PLEKHA8: variants seen among roughly 807,000 people sequenced by gnomAD.
PLEKHA8 encodes the protein pleckstrin homology domain containing A8, also known as pleckstrin homology domain-containing family A member 8.
PLEKHA8 carries 36 observed loss-of-function variants against 68.2 expected under a neutral mutation model. That is an observed-to-expected ratio of 0.53 (90% CI 0.40 to 0.70). The LOEUF is 0.70. Ranked by LOEUF, PLEKHA8 falls within the 30% of genes least tolerant of loss-of-function variation. The probability of loss-of-function intolerance (pLI) is 0.00; values close to 1 mark genes in which losing one functional copy is unlikely to be tolerated. For synonymous variants in PLEKHA8, 211 were observed against 216.1 expected (o/e 0.98, Z 0.20); for missense variants, 505 against 615.4 (o/e 0.82, Z 1.90).
rs140415119 is a variant in PLEKHA8, at chr7:30,052,812, G to T, written c.742G>T (p.Ala248Ser). 1.2e-5 allele frequency: 19 copies of T among 1,574,026 alleles called. No homozygotes were observed. Among genetic ancestry groups the T allele is most frequent in the Non-Finnish European group, 1.5e-5 (18 of 1,168,362 alleles). Reference sequence around the variant, plus strand: ...TAAGAATTCCTTATATTTGAAATCTGCAGAGATAGACTGCAGCATATCAAG... The same window carrying T: ...TAAGAATTCCTTATATTTGAAATCTTCAGAGATAGACTGCAGCATATCAAG... ...KNKNSLYLKSAEIDCSISSEE... is the reference protein window; with the variant it reads ...KNKNSLYLKSSEIDCSISSEE... The change falls in exon 7 of 14, where the codon GCA (alanine) becomes TCA (serine). Residue 248 changes from alanine (A) to serine (S), a missense_variant. Ala to Ser is a moderately conservative substitution (Grantham distance 99). Transcript: ENST00000449726.
At chr7:30,043,006 T>TTTTGTTTGTTTGTTTGTTTG (rs139576666) in intron 1 of PLEKHA8, among the ~76,000 whole-genome samples, 2,227 of 151,878 alleles carry the variant, frequency 0.015, 24 homozygotes, top group African/African-American at 0.015. Flanking sequence ...GCATCACCTT[T>TTTTGTTTGTTTGTTTGTTTG]TTTGTTTGTT....
intron 13 of PLEKHA8, among the ~76,000 whole-genome samples, chr7:30,099,905 G>A (rs1454964529): frequency 6.6e-6 from 1 of 152,186 alleles, no homozygotes; most frequent in African/African-American, 2.4e-5. Flanking sequence ...TAAAACAACA[G>A]AAATGTATCC....
At chr7:30,125,066 T>C in intron 13 of PLEKHA8, among the ~76,000 whole-genome samples, 1 of 152,198 alleles carries the variant, frequency 6.6e-6, no homozygotes, top group Middle Eastern at 3.2e-3. Flanking sequence ...TACAGAAAAT[T>C]AGGATATCTT....
At chr7:30,108,962 G>A (rs1310359674) in intron 13 of PLEKHA8, among the ~76,000 whole-genome samples, 1 of 152,210 alleles carries the variant, frequency 6.6e-6, no homozygotes, top group African/African-American at 2.4e-5. Flanking sequence ...GGTGGCACTA[G>A]AAGAGCCTGG....
At chr7:30,045,809 G>T (rs1387643443) in intron 2 of PLEKHA8, among the ~76,000 whole-genome samples, 4 of 152,146 alleles carry the variant, frequency 2.6e-5, no homozygotes, top group African/African-American at 4.8e-5. Context: ...TTGTATTTTT[G>T]ATTGTTTCCC....
intron 13 of PLEKHA8, among the ~76,000 whole-genome samples, chr7:30,117,023 T>G (rs1004575538): frequency 6.6e-6 from 1 of 152,158 alleles, no homozygotes; most frequent in African/African-American, 2.4e-5. Flanking sequence ...AGGTCTAACT[T>G]TGTCACCGCC....
At chr7:30,116,353 C>T (rs140935969) in intron 13 of PLEKHA8, among the ~76,000 whole-genome samples, 50 of 151,640 alleles carry the variant, frequency 3.3e-4, no homozygotes, top group African/African-American at 1.1e-3. Flanking sequence ...TACTATATAA[C>T]TTGATTCATG....
At chr7:30,105,620 G>A (rs182352002) in intron 13 of PLEKHA8, among the ~76,000 whole-genome samples, 1 of 152,304 alleles carries the variant, frequency 6.6e-6, no homozygotes, top group Non-Finnish European at 1.5e-5. Context: ...ACAAAGAAAT[G>A]ATAGAAAACA....
In PLEKHA8 at chr7:30,081,296, A is replaced by G. The variant is rs1794917707; in HGVS notation, c.*2509A>G. On this transcript the variant is annotated 3_prime_UTR_variant, in exon 14 of 14. Coordinates refer to ENST00000449726, the MANE Select transcript of PLEKHA8 (RefSeq NM_001197026.2). The stretch of plus-strand genomic sequence containing the variant: ...CCACTGGAGCATATTACGTTTGCCT[A>G]AGATGTATAAAAGTTTGTTTAAGAT... 2.0e-6 allele frequency: 2 copies of G among 985,164 alleles called. No individual in the cohort carries two copies. Among genetic ancestry groups the G allele is most frequent in the South Asian group, 4.7e-5 (1 of 21,284 alleles). 61.0% of individuals were successfully genotyped at this position (985,164 alleles called of 1,614,324 possible). A position where few individuals can be genotyped will look rare whatever the true frequency, so the allele number is the denominator to read the frequency against.
chr7:30,102,994 A>G lies in PLEKHA8; in HGVS notation c.1363-26272A>G, dbSNP rs552764493. ...CTGAGGCAGAGGATTGCCTGAGCCC[A>G]GGAGGTGGAGGCTACAGTGAGATTT... On this transcript the variant is annotated intron_variant, in intron 13 of 13. Transcript: ENST00000396257. 1.4e-4 allele frequency among the ~76,000 whole-genome samples: 22 copies of G among 152,346 alleles called. No individual in the cohort carries two copies. The South Asian group carries it at 4.6e-3, about 32-fold the overall frequency.
At chr7:30,124,328 A>T (rs952134832) in intron 13 of PLEKHA8, among the ~76,000 whole-genome samples, 1 of 152,272 alleles carries the variant, frequency 6.6e-6, no homozygotes, top group Non-Finnish European at 1.5e-5. Context: ...TGATGAAAGC[A>T]TGTGAACATA....
chr7:30,101,728 A>G (rs1166924059), intron 13 of PLEKHA8, among the ~76,000 whole-genome samples: 69 of 152,350 alleles, frequency 4.5e-4, no homozygotes, highest in Non-Finnish European at 4.4e-5. Context: ...ATCTTTACAC[A>G]CTGAAAACTA....
In PLEKHA8 at chr7:30,078,682, G is replaced by A; in HGVS notation, c.1455G>A (p.Gly485=). The change falls in exon 14 of 14, where the codon GGG becomes GGA. Residue 485 remains glycine, a synonymous_variant. Coordinates refer to ENST00000449726, the MANE Select transcript of PLEKHA8 (RefSeq NM_001197026.2). ...ACCAGAAAGAAGCTTTCAGTATTGG[G>A]ATGCAGAGGGACCTCAGCCTTTACC... ...GDHQKEAFSI[G]MQRDLSLYLP... 3 of 1,613,866 alleles carry A rather than the reference G, an allele frequency of 1.9e-6. No individual in the cohort carries two copies. Among genetic ancestry groups the A allele is most frequent in the Non-Finnish European group, 2.5e-6 (3 of 1,179,850 alleles).
intron 1 of PLEKHA8, among the ~76,000 whole-genome samples, chr7:30,039,941 A>G (rs575652387): frequency 2.0e-5 from 3 of 152,246 alleles, no homozygotes; most frequent in Non-Finnish European, 2.9e-5. Flanking sequence ...AAAAGCAAAC[A>G]TCTTGTCTTG....
In PLEKHA8 at chr7:30,082,376, T is replaced by G; in HGVS notation, c.*3589T>G. 2 of 985,428 alleles carry G rather than the reference T, an allele frequency of 2.0e-6. No individual in the cohort carries two copies. Among genetic ancestry groups the G allele is most frequent in the Middle Eastern group, 1.0e-3 (2 of 1,916 alleles). The allele number at this position is 985,428 out of a possible 1,614,324, so 61.0% of individuals were successfully genotyped here. ...TCCCAGGAGCAGCTTCTAGCACATA[T>G]GTAGAGTATCTGGCACCACCTTAGC... On this transcript the variant is annotated 3_prime_UTR_variant, in exon 14 of 14. Coordinates refer to ENST00000449726, the MANE Select transcript of PLEKHA8 (RefSeq NM_001197026.2).
chr7:30,128,162 AG>A (rs1265618445), intron 13 of PLEKHA8, among the ~76,000 whole-genome samples: 4 of 149,074 alleles, frequency 2.7e-5, no homozygotes, highest in African/African-American at 7.5e-5. Context: ...GCTGGAGTGC[AG>A]TGGCATGATC....
intron 9 of PLEKHA8, among the ~76,000 whole-genome samples, chr7:30,059,561 C>T (rs1793266950): frequency 6.7e-6 from 1 of 148,502 alleles, no homozygotes; most frequent in Non-Finnish European, 1.5e-5. Context: ...CTTTCCTGAT[C>T]TCTAGCCAGT....
At chr7:30,111,495 T>C (rs761886732) in intron 13 of PLEKHA8, among the ~76,000 whole-genome samples, 8 of 152,186 alleles carry the variant, frequency 5.3e-5, no homozygotes, top group Non-Finnish European at 1.0e-4. Flanking sequence ...TGGGATTTTA[T>C]TTGTTGTTTC....
chr7:30,052,243 G>A (rs1792469526), intron 6 of PLEKHA8, among the ~76,000 whole-genome samples: 1 of 152,218 alleles, frequency 6.6e-6, no homozygotes, highest in South Asian at 2.1e-4. Context: ...AGGCTGGACT[G>A]CTCCCATCAC....
Sources: gnomAD v4.1 joint callset for allele counts (sites outside exome capture counted in the v4.1 genomes callset) on GRCh38, gnomAD v4.1.1 for gene constraint, MANE v1.5 for transcripts, NCBI Gene and HGNC (gene_info 2026-07-23, HGNC 2026-07-21) for gene names.